The following CIRSR variants were observed in gnomAD, a reference collection of about 807,000 sequenced individuals.
CIRSR encodes the protein corepressor of RBPJ and splicing regulator.
At chr2:174,367,574 G>A in the CIRSR span, among the ~76,000 whole-genome samples, 3 of 151,562 alleles carry the variant, frequency 2.0e-5, no homozygotes, top group African/African-American at 7.3e-5. Flanking sequence ...CCGAGACTCT[G>A]TCCCCCACCA....
the CIRSR span, among the ~76,000 whole-genome samples, chr2:174,354,564 ATATATTATATTATATATTATATATAT>A: frequency 3.6e-4 from 7 of 19,196 alleles, no homozygotes; most frequent in South Asian, 0.016. Flanking sequence ...TATATATTTT[ATATATTATATTATATATTATATATAT>A]CATATAATAT....
At chr2:174,366,430 G>A in the CIRSR span, among the ~76,000 whole-genome samples, 8 of 152,026 alleles carry the variant, frequency 5.3e-5, no homozygotes, top group African/African-American at 1.9e-4. Flanking sequence ...CAAAGATGAA[G>A]AAATTTAGTA....
At chr2:174,367,271 C>G in the CIRSR span, among the ~76,000 whole-genome samples, 1 of 152,002 alleles carries the variant, frequency 6.6e-6, no homozygotes, top group Non-Finnish European at 1.5e-5. Flanking sequence ...CCTGTCTCTC[C>G]AAAAAGTTTT....
the CIRSR span, among the ~76,000 whole-genome samples, chr2:174,355,572 G>A: frequency 6.6e-6 from 1 of 152,146 alleles, no homozygotes; most frequent in African/African-American, 2.4e-5. Context: ...ATTGTGTACA[G>A]TTCCATGTTC....
the CIRSR span, among the ~76,000 whole-genome samples, chr2:174,367,172 G>A: frequency 1.3e-5 from 2 of 152,202 alleles, no homozygotes; most frequent in African/African-American, 4.8e-5. Flanking sequence ...GAGGCTGGGT[G>A]TGGTGGCTCA....
the CIRSR span, among the ~76,000 whole-genome samples, chr2:174,386,894 G>T: frequency 6.6e-6 from 1 of 152,006 alleles, no homozygotes; most frequent in Non-Finnish European, 1.5e-5. Flanking sequence ...ATATGTATTT[G>T]TATCTCTTAC....
At chr2:174,395,450 G>A in the CIRSR span, 1 of 1,160,514 alleles carries the variant, frequency 8.6e-7, no homozygotes, top group Non-Finnish European at 1.3e-6. Context: ...AGAAGCGGAG[G>A]CTGTCCTAGG....
At chr2:174,390,088 G>C in the CIRSR span, among the ~76,000 whole-genome samples, 2 of 152,184 alleles carry the variant, frequency 1.3e-5, no homozygotes, top group Non-Finnish European at 2.9e-5. Flanking sequence ...GTGGAGCTGC[G>C]AGAAGAGGGC....
chr2:174,362,819 C>T, the CIRSR span, among the ~76,000 whole-genome samples: 1 of 151,274 alleles, frequency 6.6e-6, no homozygotes, highest in South Asian at 2.1e-4. Flanking sequence ...TGAGAAACTA[C>T]TGCTGGAGCC....
the CIRSR span, among the ~76,000 whole-genome samples, chr2:174,352,777 G>A: frequency 1.3e-5 from 2 of 152,096 alleles, no homozygotes; most frequent in Admixed American, 6.6e-5. Context: ...CTTAAATGAC[G>A]TACTCCAGCT....
the CIRSR span, among the ~76,000 whole-genome samples, chr2:174,351,154 TTTA>T: frequency 2.6e-5 from 4 of 152,240 alleles, no homozygotes; most frequent in Non-Finnish European, 4.4e-5. Flanking sequence ...AATTTTAGCT[TTTA>T]TTATAATTTC....
At chr2:174,358,907 T>C in the CIRSR span, among the ~76,000 whole-genome samples, 1 of 152,054 alleles carries the variant, frequency 6.6e-6, no homozygotes, top group South Asian at 2.1e-4. Flanking sequence ...GAGATGAGGT[T>C]CACCATATCG....
the CIRSR span, chr2:174,380,963 G>T: frequency 1.7e-6 from 1 of 606,004 alleles, no homozygotes; most frequent in Non-Finnish European, 2.7e-6. Context: ...TCTTTCACAT[G>T]ATAAAAATTC....
chr2:174,351,152 C>T, the CIRSR span, among the ~76,000 whole-genome samples: 1 of 152,094 alleles, frequency 6.6e-6, no homozygotes, highest in African/African-American at 2.4e-5. Flanking sequence ...ACAATTTTAG[C>T]TTTTATTATA....
chr2:174,371,945 T>A, the CIRSR span, among the ~76,000 whole-genome samples: 2 of 152,230 alleles, frequency 1.3e-5, no homozygotes, highest in Non-Finnish European at 2.9e-5. Context: ...ATAGGTGATT[T>A]TTTTTTAAAT....
chr2:174,356,516 A>AAGGGAAGG, the CIRSR span, among the ~76,000 whole-genome samples: 1 of 91,006 alleles, frequency 1.1e-5, no homozygotes, highest in Admixed American at 1.3e-4. Context: ...GGGAAGGAAG[A>AAGGGAAGG]AAGAAAGAAA....
the CIRSR span, among the ~76,000 whole-genome samples, chr2:174,379,591 T>G: frequency 6.6e-6 from 1 of 152,346 alleles, no homozygotes; most frequent in East Asian, 1.9e-4. Context: ...GATGATAGTC[T>G]GTCCCGATTC....
the CIRSR span, among the ~76,000 whole-genome samples, chr2:174,367,481 G>A: frequency 3.9e-5 from 6 of 152,152 alleles, no homozygotes; most frequent in East Asian, 1.2e-3. Context: ...TTGTGAGGCT[G>A]AGGCAGGAGA....
the CIRSR span, among the ~76,000 whole-genome samples, chr2:174,351,098 A>T: frequency 6.6e-6 from 1 of 152,344 alleles, no homozygotes; most frequent in East Asian, 1.9e-4. Flanking sequence ...TTAATGAAAT[A>T]TAAAAAAGAA....
Sources: allele counts gnomAD v4.1 joint callset (sites outside exome capture counted in the v4.1 genomes callset), GRCh38; gene constraint gnomAD v4.1.1; transcripts MANE v1.5; gene names NCBI Gene and HGNC (gene_info 2026-07-23, HGNC 2026-07-21).